The following LRRC8E variants were observed in gnomAD, a reference collection of about 807,000 sequenced individuals.
The protein encoded by LRRC8E is leucine rich repeat containing 8 VRAC subunit E, also known as volume-regulated anion channel subunit LRRC8E.
In LRRC8E, 6 loss-of-function variants were observed where a neutral mutation model predicts 6.1. That is an observed-to-expected ratio of 0.98 (90% CI 0.54 to 1.93). The LOEUF (loss-of-function observed/expected upper bound fraction) is 1.93. Ranked by LOEUF, LRRC8E falls within the 30% of genes most tolerant of loss-of-function variation. The pLI, the probability that LRRC8E is intolerant of heterozygous loss-of-function variation, is 0.01. For missense variants in LRRC8E, 1,028 were observed against 1,031.4 expected, an observed-to-expected ratio of 1.00 and a Z score of 0.04; for synonymous variants, 485 against 472.8, an observed-to-expected ratio of 1.03 and a Z score of -0.33.
chr19:7,897,172 C>CTTTTTTTT, intron 2 of LRRC8E, among the ~76,000 whole-genome samples: 2 of 147,398 alleles, frequency 1.4e-5, no homozygotes, highest in Non-Finnish European at 3.0e-5. Flanking sequence ...TTTTCTTTTT[C>CTTTTTTTT]TTTTTCTTTT....
At position 7,899,471 on chromosome 19, in the gene LRRC8E, A is replaced by G. The variant is rs773870490; in HGVS notation, c.949A>G (p.Ile317Val). 10 of 1,613,930 alleles carry G rather than the reference A, an allele frequency of 6.2e-6. No individual in the cohort carries two copies. Among genetic ancestry groups the G allele is most frequent in the East Asian group, 2.2e-5 (1 of 44,880 alleles). The change falls in exon 3 of 3, where the codon ATC becomes GTC. Residue 317 changes from isoleucine to valine, a missense_variant. By Grantham distance (29) the Ile-to-Val change is conservative. Coordinates refer to ENST00000306708, the MANE Select transcript of LRRC8E (RefSeq NM_025061.6). Reference protein sequence around the residue: ...HLFSKLAFCYISFVCIYGLTC... With the variant: ...HLFSKLAFCYVSFVCIYGLTC... ...CTTCTCCAAGCTGGCCTTCTGTTAC[A>G]TCTCCTTTGTGTGCATCTACGGACT...
At chr19:7,893,146 A>T (rs1981403457) in intron 1 of LRRC8E, among the ~76,000 whole-genome samples, 1 of 152,152 alleles carries the variant, frequency 6.6e-6, no homozygotes, top group Non-Finnish European at 1.5e-5. Flanking sequence ...AGCTGGGATT[A>T]CAGGCACCTG....
chr19:7,890,939 T>G (rs1226975675), intron 1 of LRRC8E, among the ~76,000 whole-genome samples: 1 of 152,138 alleles, frequency 6.6e-6, no homozygotes, highest in Non-Finnish European at 1.5e-5. Flanking sequence ...TCAAATGATC[T>G]GCCTACCTTG....
At position 7,900,102 on chromosome 19, in the gene LRRC8E, C is replaced by A; in HGVS notation, c.1580C>A (p.Thr527Asn). 1.2e-6 allele frequency: 2 copies of A among 1,612,640 alleles called. No homozygotes were observed. Among genetic ancestry groups the A allele is most frequent in the Non-Finnish European group, 1.7e-6 (2 of 1,179,986 alleles). ...LFPQELARAA[T>N]LESLRELKQL... The stretch of plus-strand genomic sequence containing the variant: ...CCCCAGGAGCTAGCTCGGGCAGCCA[C>A]CCTGGAGAGCCTCCGGGAGCTGAAG... The change falls in exon 3 of 3, where the codon ACC (threonine) becomes AAC (asparagine). Residue 527 changes from threonine (T) to asparagine (N), a missense_variant. Physicochemically the swap from Thr to Asn is moderately conservative, Grantham distance 65 (BLOSUM62 0). Transcript: ENST00000306708. This position sits in a 1 kb window ranked among gnomAD's most constrained non-coding sequence, Gnocchi z 5.0.
At chr19:7,896,031 G>A (rs780400295) in intron 2 of LRRC8E, among the ~76,000 whole-genome samples, 28 of 151,970 alleles carry the variant, frequency 1.8e-4, no homozygotes, top group Non-Finnish European at 2.8e-4. Flanking sequence ...TCTGCCTCCC[G>A]GGTACAAGCG....
intron 2 of LRRC8E, among the ~76,000 whole-genome samples, chr19:7,897,613 CT>C (rs1350844724): frequency 2.6e-4 from 39 of 151,150 alleles, no homozygotes; most frequent in African/African-American, 8.3e-4. Context: ...TTGGCCCCCC[CT>C]CCCACTGCCT....
rs1443357618 is a variant in LRRC8E at position 7,895,942 on chromosome 19, T to A, written c.138+201T>A. On this transcript the variant is annotated intron_variant, in intron 2 of 2. Coordinates refer to ENST00000306708, the MANE Select transcript of LRRC8E (RefSeq NM_025061.6). The surrounding 1 kb of genome is among the most constrained non-coding windows in gnomAD (Gnocchi z 4.7). ...CCACATTGCTATGCCATTCCATATC[T>A]TTTTTTCTTTTTTGAGACGGAGTCT... Among the ~76,000 whole-genome samples, 3 of 152,004 alleles carry A rather than the reference T, an allele frequency of 2.0e-5. No homozygotes were observed. Among genetic ancestry groups the A allele is most frequent in the Non-Finnish European group, 4.4e-5 (3 of 68,012 alleles).
Position 7,899,916 on chromosome 19 carries a change from T to A in LRRC8E, c.1394T>A (p.Leu465His). 1 of 1,608,276 alleles carries A rather than the reference T, an allele frequency of 6.2e-7. No individual in the cohort carries two copies. The highest frequency in any genetic ancestry group is 1.1e-5 in the South Asian group (1 of 91,082). The change falls in exon 3 of 3, where the codon CTC becomes CAC. Residue 465 changes from leucine (L) to histidine (H), a missense_variant. Leu to His is a moderately conservative substitution (Grantham distance 99, BLOSUM62 -3). Coordinates refer to ENST00000306708, the MANE Select transcript of LRRC8E (RefSeq NM_025061.6). ...TCACAGCTGGTGCACTTGCAGGAGC[T>A]CAGCTTGCTCCACTCGCCCGCCAGG... Reference protein sequence around the residue: ...GLSQLVHLQELSLLHSPARLP... With the variant: ...GLSQLVHLQEHSLLHSPARLP...
In LRRC8E at chr19:7,898,790, C is replaced by T. The variant is rs150129573; in HGVS notation, c.268C>T (p.Leu90Phe). The change falls in exon 3 of 3, where the codon CTT becomes TTT. Residue 90 changes from leucine to phenylalanine, a missense_variant. Transcript: ENST00000306708. Reference protein sequence around the residue: ...QIGALQEVKGLKNNLDLQQYS... With the variant: ...QIGALQEVKGFKNNLDLQQYS... ...TGGGGCCCTGCAGGAGGTTAAAGGC[C>T]TTAAGAACAATTTGGACCTGCAGCA... 4 of 1,614,062 alleles carry T rather than the reference C, an allele frequency of 2.5e-6. No individual in the cohort carries two copies. Among genetic ancestry groups the T allele is most frequent in the Non-Finnish European group, 2.5e-6 (3 of 1,180,040 alleles).
At chr19:7,892,808 A>G (rs1245940268) in intron 1 of LRRC8E, among the ~76,000 whole-genome samples, 1 of 152,110 alleles carries the variant, frequency 6.6e-6, no homozygotes, top group East Asian at 1.9e-4. Flanking sequence ...GGATATTTGT[A>G]GTCGGGTTTC....
At position 7,895,577 on chromosome 19, in the gene LRRC8E, C is replaced by A; in HGVS notation, c.-5-22C>A. The A allele has an allele frequency of 6.2e-7, 1 of 1,605,970 alleles. No individual in the cohort carries two copies. Among genetic ancestry groups the A allele is most frequent in the Non-Finnish European group, 8.5e-7 (1 of 1,173,218 alleles). On this transcript the variant is annotated intron_variant, in intron 1 of 2. Transcript: ENST00000306708. This position sits in a 1 kb window ranked among gnomAD's most constrained non-coding sequence, Gnocchi z 4.7. ...ATCCTGAGGGTCTCTCTCTACACCC[C>A]CCGTCTCGTCCCGTCCCACAGGCAG...
rs531873243 is a variant in LRRC8E at position 7,898,606 on chromosome 19, G to A, written c.139-55G>A. On this transcript the variant is annotated intron_variant, in intron 2 of 2. Coordinates refer to ENST00000306708, the MANE Select transcript of LRRC8E (RefSeq NM_025061.6). ...ACTCCTGACCTAAAGTGATCCACTC[G>A]CCTTGGCCTCCCAAAGTGCTAGGAT... 3.8e-5 allele frequency: 56 copies of A among 1,486,376 alleles called. No homozygotes were observed. In the South Asian group the frequency reaches 5.9e-4, roughly 16 times the overall value. The allele number at this position is 1,486,376 out of a possible 1,614,324, so 92.1% of individuals were successfully genotyped here.
rs1243199134 is a variant in LRRC8E at position 7,898,845 on chromosome 19, A to AT, written c.323_324insT (p.Glu108AspfsTer40). 3 of 1,614,208 alleles carry AT rather than the reference A, an allele frequency of 1.9e-6. No homozygotes were observed. The highest frequency in any genetic ancestry group is 1.3e-5 in the African/African-American group (1 of 75,050). On this transcript the variant is annotated frameshift_variant, in exon 3 of 3. Coordinates refer to ENST00000306708, the MANE Select transcript of LRRC8E (RefSeq NM_025061.6). LOFTEE classifies it low-confidence loss of function (END_TRUNC). ...AGCTTTATTAACCAGCTGTGTTATG[A>AT]GACGGCCCTGCACTGGTATGCCAAG...
At chr19:7,894,517 G>T (rs891967997) in intron 1 of LRRC8E, among the ~76,000 whole-genome samples, 1 of 152,178 alleles carries the variant, frequency 6.6e-6, no homozygotes, top group African/African-American at 2.4e-5. Context: ...ATGAGCCACC[G>T]CGCCCAGCCC....
chr19:7,891,981 C>T (rs1352798944), intron 1 of LRRC8E, among the ~76,000 whole-genome samples: 1 of 151,908 alleles, frequency 6.6e-6, no homozygotes, highest in Non-Finnish European at 1.5e-5. Flanking sequence ...CTCACTGCAG[C>T]CTCTAACTCC....
At position 7,898,645 on chromosome 19, in the gene LRRC8E, C is replaced by T; in HGVS notation, c.139-16C>T. ...AAGTGCTAGGATTACAGCCCTCATT[C>T]TCTTTTGCTCCTCAGGTGACACAGG... On this transcript the variant is annotated splice_polypyrimidine_tract_variant and intron_variant, in intron 2 of 2. Coordinates refer to ENST00000306708, the MANE Select transcript of LRRC8E (RefSeq NM_025061.6). 6.3e-7 allele frequency: 1 copy of T among 1,580,702 alleles called. No homozygotes were observed. Among genetic ancestry groups the T allele is most frequent in the Middle Eastern group, 1.7e-4 (1 of 5,894 alleles).
In LRRC8E at chr19:7,900,999, A is replaced by G; in HGVS notation, c.*86A>G. On this transcript the variant is annotated 3_prime_UTR_variant, in exon 3 of 3. Transcript: ENST00000306708. This position sits in a 1 kb window ranked among gnomAD's most constrained non-coding sequence, Gnocchi z 5.0. Reference sequence around the variant, plus strand: ...CATTGTCTTCCAAGATAGGAAGCCAAGTGGGTCCAGGCCAGGAGATGGGGG... The same window carrying G: ...CATTGTCTTCCAAGATAGGAAGCCAGGTGGGTCCAGGCCAGGAGATGGGGG... 1.5e-6 allele frequency: 1 copy of G among 660,338 alleles called. No individual in the cohort carries two copies. Among genetic ancestry groups the G allele is most frequent in the Non-Finnish European group, 2.3e-6 (1 of 440,264 alleles). The allele number at this position is 660,338 out of a possible 1,614,324, so 40.9% of individuals were successfully genotyped here.
chr19:7,900,842 G>C lies in LRRC8E; in HGVS notation c.2320G>C (p.Gly774Arg), dbSNP rs1191445272. The C allele has an allele frequency of 6.4e-7, 1 of 1,565,750 alleles. No individual in the cohort carries two copies. Among genetic ancestry groups the C allele is most frequent in the South Asian group, 1.2e-5 (1 of 84,316 alleles). ...CAACTGTGGGGGGCTCAAGAAGGCG[G>C]GGCTCCTGGTGGAAGACACGCTTTA... is the stretch of plus-strand genomic sequence containing the variant. ...LGNCGGLKKA[G>R]LLVEDTLYQG... Residue 774 changes from glycine to arginine, a missense_variant, in exon 3 of 3, where the codon GGG becomes CGG. By Grantham distance (125) the Gly-to-Arg change is moderately radical. Transcript: ENST00000306708. This position sits in a 1 kb window ranked among gnomAD's most constrained non-coding sequence, Gnocchi z 5.0.
rs753534988 is a variant in LRRC8E, at chr19:7,900,014, G to A, written c.1492G>A (p.Glu498Lys). The stretch of plus-strand genomic sequence containing the variant: ...GCGCGTCAAATGCGAGGAGCTCCGC[G>A]AGGTGCCGCTTTGGGTGTTTGGGCT... Reference protein sequence around the residue: ...VMRVKCEELREVPLWVFGLRG... With the variant: ...VMRVKCEELRKVPLWVFGLRG... The change falls in exon 3 of 3, where the codon GAG becomes AAG. Residue 498 changes from glutamate to lysine, a missense_variant. Glu to Lys is a moderately conservative substitution (Grantham distance 56). Coordinates refer to ENST00000306708, the MANE Select transcript of LRRC8E (RefSeq NM_025061.6). This position sits in a 1 kb window ranked among gnomAD's most constrained non-coding sequence, Gnocchi z 5.0. The A allele has an allele frequency of 1.9e-5, 31 of 1,609,736 alleles. No individual in the cohort carries two copies. The Middle Eastern group carries it at 4.9e-4, about 26-fold the overall frequency.
Sources: allele counts gnomAD v4.1 joint callset (sites outside exome capture counted in the v4.1 genomes callset), GRCh38; gene constraint gnomAD v4.1.1; non-coding constraint Gnocchi (gnomAD v3.1); transcripts MANE v1.5; gene names NCBI Gene and HGNC (gene_info 2026-07-23, HGNC 2026-07-21).